Variants in SLC16A3 observed in about 807,000 individuals in gnomAD.
SLC16A3 encodes monocarboxylate transporter 4.
Under a neutral mutation model 25.0 loss-of-function variants are expected in SLC16A3, and 22 were observed. The observed-to-expected ratio is 0.88, with a 90% CI of 0.63 to 1.26. The LOEUF (loss-of-function observed/expected upper bound fraction) is 1.26. Among genes scored for constraint, SLC16A3 ranks in the 50% most tolerant of loss-of-function variants. SLC16A3 has a pLI of 0.00. For synonymous variants in SLC16A3, 390 were observed against 309.2 expected, an observed-to-expected ratio of 1.26 and a Z score of -2.74; for missense variants, 731 against 666.6, an observed-to-expected ratio of 1.10 and a Z score of -1.06.
Position 82,238,751 on chromosome 17 carries a change from G to C in SLC16A3, c.1173G>C (p.Ala391=), listed in dbSNP as rs1215506070. Residue 391 remains alanine, a synonymous_variant, in exon 5 of 5, where the codon GCG becomes GCC. Coordinates refer to ENST00000582743, the MANE Select transcript of SLC16A3 (RefSeq NM_004207.4). The part of the protein sequence containing the change: ...THVYMYVFIL[A]GAEVLTSSLI... Reference sequence around the variant, plus strand: ...TCTACATGTACGTGTTCATCCTGGCGGGGGCCGAGGTGCTCACCTCCTCCC... The same window carrying C: ...TCTACATGTACGTGTTCATCCTGGCCGGGGCCGAGGTGCTCACCTCCTCCC... The C allele has an allele frequency of 6.2e-7, 1 of 1,612,532 alleles. No homozygotes were observed. The highest frequency in any genetic ancestry group is 1.7e-5 in the Admixed American group (1 of 59,998).
At position 82,236,053 on chromosome 17, in the gene SLC16A3, C is replaced by T; in HGVS notation, c.45C>T (p.Ala15=). Residue 15 remains alanine (A), a synonymous_variant, in exon 2 of 5, where the codon GCC becomes GCT. Transcript: ENST00000582743. ...ACGAGGGCCCCACAGGCGTCAAGGCCCCTGACGGCGGCTGGGGCTGGGCCG... is the reference window on the plus strand; with the variant it reads ...ACGAGGGCCCCACAGGCGTCAAGGCTCCTGACGGCGGCTGGGGCTGGGCCG... ...VVDEGPTGVK[A]PDGGWGWAVL... is the part of the protein sequence containing the mutation. The T allele has an allele frequency of 6.2e-7, 1 of 1,612,780 alleles. No homozygotes were observed. The highest frequency in any genetic ancestry group is 8.5e-7 in the Non-Finnish European group (1 of 1,179,854).
intron 1 of SLC16A3, chr17:82,234,712 C>T (rs2050567716): frequency 6.6e-6 from 1 of 152,304 alleles, no homozygotes; most frequent in South Asian, 2.1e-4. Context: ...ACTCTCCCAG[C>T]AAAGGTCCTG....
chr17:82,237,311 C>A lies in SLC16A3; in HGVS notation c.541C>A (p.Leu181Ile). The change falls in exon 4 of 5, where the codon CTC becomes ATC. Residue 181 changes from leucine (L) to isoleucine (I), a missense_variant. Physicochemically the swap from Leu to Ile is conservative, Grantham distance 5 (BLOSUM62 2). Coordinates refer to ENST00000582743, the MANE Select transcript of SLC16A3 (RefSeq NM_004207.4). ...CCGCTACGGCTGGCGGGGCGGCTTC[C>A]TCATCCTGGGCGGCCTGCTGCTCAA... ...QDRYGWRGGFLILGGLLLNCC... is the reference protein window; with the variant it reads ...QDRYGWRGGFIILGGLLLNCC... 1 of 1,550,606 alleles carries A rather than the reference C, an allele frequency of 6.4e-7. No homozygotes were observed. Among genetic ancestry groups the A allele is most frequent in the Non-Finnish European group, 8.7e-7 (1 of 1,147,374 alleles).
upstream of SLC16A3, among the ~76,000 whole-genome samples, chr17:82,225,883 C>T (rs1166397978): frequency 1.3e-5 from 2 of 152,076 alleles, no homozygotes; most frequent in South Asian, 2.1e-4. Flanking sequence ...CCTGGGGCAG[C>T]GGCTGTGGTG....
upstream of SLC16A3, among the ~76,000 whole-genome samples, chr17:82,227,841 G>T (rs1402293777): frequency 6.6e-6 from 1 of 152,206 alleles, no homozygotes; most frequent in Non-Finnish European, 1.5e-5. Context: ...GCCAGACCCA[G>T]CCTCTGTGAA....
chr17:82,230,188 T>TGGTGTGGAGGC (rs1246520875), intron 1 of SLC16A3: 1 of 152,278 alleles, frequency 6.6e-6, no homozygotes, highest in East Asian at 1.9e-4. Context: ...TCCGCCAGCG[T>TGGTGTGGAGGC]GGTGTGGAGG....
In SLC16A3 at chr17:82,238,799, C is replaced by G. The variant is rs552266363; in HGVS notation, c.1221C>G (p.Phe407Leu). The G allele has an allele frequency of 6.2e-7, 1 of 1,612,882 alleles. No individual in the cohort carries two copies. The highest frequency in any genetic ancestry group is 8.5e-7 in the Non-Finnish European group (1 of 1,179,964). The change falls in exon 5 of 5, where the codon TTC (phenylalanine) becomes TTG (leucine). Residue 407 changes from phenylalanine to leucine, a missense_variant. Transcript: ENST00000582743. ...CCCTGATTTTGCTGCTGGGCAACTT[C>G]TTCTGCATTAGGAAGAAGCCCAAAG... ...TSSLILLLGN[F>L]FCIRKKPKEP...
In SLC16A3 at chr17:82,239,584, C is replaced by G. The variant is rs2050710488; in HGVS notation, c.*608C>G. 1 of 205,476 alleles carries G rather than the reference C, an allele frequency of 4.9e-6. No individual in the cohort carries two copies. The allele number at this position is 205,476 out of a possible 1,614,324, so 12.7% of individuals were successfully genotyped here. A position where few individuals can be genotyped will look rare whatever the true frequency, so the allele number is the denominator to read the frequency against. ...CCTACCGTGGCTCTGTCCTCGCCAG[C>G]TTTCCCTGCAGCGGCATAGCATTCG... On this transcript the variant is annotated 3_prime_UTR_variant, in exon 5 of 5. Coordinates refer to ENST00000582743, the MANE Select transcript of SLC16A3 (RefSeq NM_004207.4).
chr17:82,228,827 G>C (rs1014699268), upstream of SLC16A3, among the ~76,000 whole-genome samples: 57 of 151,754 alleles, frequency 3.8e-4, no homozygotes, highest in African/African-American at 1.3e-3. Context: ...CTCCGGGCCG[G>C]GGGCGCCGAC....
At chr17:82,227,880 T>G (rs1568531803), upstream of SLC16A3, among the ~76,000 whole-genome samples, 1 of 152,116 alleles carries the variant, frequency 6.6e-6, no homozygotes, top group Non-Finnish European at 1.5e-5. Context: ...CTTGTAACAT[T>G]ACATAGAAAG....
chr17:82,232,945 G>A (rs1177501045), intron 1 of SLC16A3, among the ~76,000 whole-genome samples: 4 of 147,842 alleles, frequency 2.7e-5, no homozygotes, highest in Admixed American at 6.9e-5. Flanking sequence ...AATGTCAGGG[G>A]AAGGCCAGCC....
chr17:82,236,924 G>A (rs1396632909), intron 3 of SLC16A3, 52 bp downstream of exon 3: 24 of 1,590,598 alleles, frequency 1.5e-5, no homozygotes, highest in Non-Finnish European at 1.9e-5. Flanking sequence ...CAGGGGCCGT[G>A]CACTTCTGCT....
intron 1 of SLC16A3, chr17:82,233,933 T>G (rs144847164): frequency 6.6e-6 from 1 of 152,210 alleles, no homozygotes; most frequent in South Asian, 2.1e-4. Flanking sequence ...CTCTGCCTCC[T>G]GGGTTCACGC....
chr17:82,237,878 G>C lies in SLC16A3; in HGVS notation c.1108G>C (p.Gly370Arg), dbSNP rs371382306. ...LLMEAVAVLV[G>R]PPSGGKLLDA... ...GATGGAGGCGGTGGCCGTGCTCGTC[G>C]GGCCCCCTTCGGGAGGTGAGCGCTG... Residue 370 changes from glycine (G) to arginine (R), a missense_variant, in exon 4 of 5, where the codon GGG becomes CGG. Coordinates refer to ENST00000582743, the MANE Select transcript of SLC16A3 (RefSeq NM_004207.4). 2 of 1,599,670 alleles carry C rather than the reference G, an allele frequency of 1.3e-6. No homozygotes were observed. The highest frequency in any genetic ancestry group is 2.7e-5 in the African/African-American group (2 of 74,898).
chr17:82,238,941 G>C lies in SLC16A3; in HGVS notation c.1363G>C (p.Gly455Arg), dbSNP rs145651525. The part of the protein sequence containing the change: ...HFLKAEPEKN[G>R]EVVHTPETSV ...CCTGAAGGCTGAGCCTGAGAAAAAC[G>C]GGGAGGTGGTTCACACCCCGGAAAC... is the stretch of plus-strand genomic sequence containing the variant. Residue 455 changes from glycine (G) to arginine (R), a missense_variant, in exon 5 of 5, where the codon GGG (glycine) becomes CGG (arginine). By Grantham distance (125) the Gly-to-Arg change is moderately radical. Coordinates refer to ENST00000582743, the MANE Select transcript of SLC16A3 (RefSeq NM_004207.4). 9.6e-6 allele frequency: 15 copies of C among 1,564,498 alleles called. No individual in the cohort carries two copies. Among genetic ancestry groups the C allele is most frequent in the Non-Finnish European group, 1.2e-5 (14 of 1,149,128 alleles).
At position 82,238,700 on chromosome 17, in the gene SLC16A3, A is replaced by G; in HGVS notation, c.1124-2A>G. 12 of 1,605,244 alleles carry G rather than the reference A, an allele frequency of 7.5e-6. No individual in the cohort carries two copies. The highest frequency in any genetic ancestry group is 1.0e-5 in the Non-Finnish European group (12 of 1,175,592). The stretch of plus-strand genomic sequence containing the variant: ...GCTGGGACTGACGGGGTCTTCCCGC[A>G]GGCAAACTCCTGGATGCGACCCACG... On this transcript the variant is annotated splice_acceptor_variant, in intron 4 of 4. Transcript: ENST00000582743. LOFTEE classifies it high-confidence loss of function.
At chr17:82,225,412 T>A (rs1054846273), upstream of SLC16A3, among the ~76,000 whole-genome samples, 4 of 152,184 alleles carry the variant, frequency 2.6e-5, no homozygotes, top group Non-Finnish European at 5.9e-5. Context: ...CCGTCCTGGC[T>A]GCATCCCCCA....
At chr17:82,219,062 C>T (rs1421191092) in intron 1 of SLC16A3, among the ~76,000 whole-genome samples, 3 of 152,136 alleles carry the variant, frequency 2.0e-5, no homozygotes, top group African/African-American at 7.2e-5. Context: ...TGAGAGGAAG[C>T]TCCTAAGGAC....
chr17:82,236,988 G>A lies in SLC16A3; in HGVS notation c.367+116G>A, dbSNP rs2147130647. On this transcript the variant is annotated intron_variant, in intron 3 of 4. Coordinates refer to ENST00000582743, the MANE Select transcript of SLC16A3 (RefSeq NM_004207.4). ...GGGCGGGTGGCTGCGGGGTGTCCCG[G>A]CCCCACCTCGTTGTCCCCCTCTCGA... The A allele has an allele frequency of 1.0e-5, 15 of 1,481,116 alleles. No homozygotes were observed. The South Asian group carries it at 1.4e-4, about 14-fold the overall frequency. 91.7% of individuals were successfully genotyped at this position (1,481,116 alleles called of 1,614,324 possible). A position where few individuals can be genotyped will look rare whatever the true frequency, so the allele number is the denominator to read the frequency against.
Sources: allele counts gnomAD v4.1 joint callset (sites outside exome capture counted in the v4.1 genomes callset), GRCh38; gene constraint gnomAD v4.1.1; transcripts MANE v1.5; gene names NCBI Gene and HGNC (gene_info 2026-07-23, HGNC 2026-07-21).